Variants in MYLK observed in about 807,000 individuals in gnomAD.
MYLK encodes myosin light chain kinase, smooth muscle.
In MYLK, 106 loss-of-function variants were observed where a neutral mutation model predicts 203.4. The observed-to-expected ratio is 0.52, with a 90% CI of 0.45 to 0.61. The LOEUF (loss-of-function observed/expected upper bound fraction) is 0.61. Ranked by LOEUF, MYLK falls within the 20% of genes least tolerant of loss-of-function variation. MYLK has a pLI of 0.00. For missense variants in MYLK, 2,072 were observed against 2,442.3 expected (o/e 0.85, Z 3.20); for synonymous variants, 867 against 959.5 (o/e 0.90, Z 1.78).
At chr3:123,865,433 A>C (rs1165692232) in intron 2 of MYLK, among the ~76,000 whole-genome samples, 1 of 152,208 alleles carries the variant, frequency 6.6e-6, no homozygotes, top group Non-Finnish European at 1.5e-5. Context: ...AATAGACAGG[A>C]GTTTCAAGTC....
intron 28 of MYLK, 68 bp from the exon 29 acceptor site, chr3:123,638,262 C>T (rs1442309023): frequency 6.2e-7 from 1 of 1,608,406 alleles, no homozygotes; most frequent in African/African-American, 1.3e-5. Flanking sequence ...CAGCAGCTGC[C>T]CGAATCTGTG....
chr3:123,752,148 G>A (rs2063213588), intron 5 of MYLK, among the ~76,000 whole-genome samples, 183 bp downstream of exon 5: 1 of 152,110 alleles, frequency 6.6e-6, no homozygotes, highest in Non-Finnish European at 1.5e-5. Context: ...TCTCCTGGAT[G>A]CCTCCCTTGT....
chr3:123,754,583 T>C (rs1195874289), intron 4 of MYLK, among the ~76,000 whole-genome samples: 1 of 152,098 alleles, frequency 6.6e-6, no homozygotes, highest in African/African-American at 2.4e-5. Context: ...AGGCTGACAG[T>C]GTTGAAGGAG....
intron 11 of MYLK, among the ~76,000 whole-genome samples, chr3:123,727,243 AC>A (rs1336528989): frequency 6.6e-6 from 1 of 152,174 alleles, no homozygotes; most frequent in East Asian, 1.9e-4. Flanking sequence ...GTGATGGTGT[AC>A]CTGGACAGGC....
intron 33 of MYLK, among the ~76,000 whole-genome samples, chr3:123,616,093 G>T (rs751646340): frequency 5.2e-4 from 79 of 152,086 alleles, no homozygotes; most frequent in Admixed American, 1.4e-3. Flanking sequence ...AAAAATAATT[G>T]AATTGTGCAT....
intron 29 of MYLK, among the ~76,000 whole-genome samples, chr3:123,634,142 G>C (rs2058547518): frequency 6.6e-6 from 1 of 152,218 alleles, no homozygotes; most frequent in South Asian, 2.1e-4. Context: ...TGAGAGGGCT[G>C]AGTAGGTCCA....
chr3:123,863,483 C>G (rs890697503), intron 2 of MYLK, among the ~76,000 whole-genome samples: 8 of 151,250 alleles, frequency 5.3e-5, no homozygotes, highest in Non-Finnish European at 1.0e-4. Flanking sequence ...AACTGGTATT[C>G]AGAATAAAAA....
chr3:123,754,387 G>A (rs2063299113), intron 4 of MYLK, among the ~76,000 whole-genome samples: 1 of 152,166 alleles, frequency 6.6e-6, no homozygotes, highest in African/African-American at 2.4e-5. Flanking sequence ...AATCAATATG[G>A]TCCATCTTAT....
intron 28 of MYLK, among the ~76,000 whole-genome samples, chr3:123,639,473 G>A (rs750885207): frequency 3.9e-5 from 6 of 152,276 alleles, no homozygotes; most frequent in Non-Finnish European, 5.9e-5. Flanking sequence ...CCCAGCCCTC[G>A]GGCTCCTTGC....
At chr3:123,728,653 C>A (rs1207066555) in intron 11 of MYLK, among the ~76,000 whole-genome samples, 2 of 152,174 alleles carry the variant, frequency 1.3e-5, no homozygotes, top group African/African-American at 4.8e-5. Context: ...AAGCTATGTG[C>A]TTTTTCACTC....
chr3:123,713,579 ATGTGTGTGTGTGTG>A (rs3085274), intron 13 of MYLK, among the ~76,000 whole-genome samples: 87,592 of 136,398 alleles, frequency 0.64, 29,202 homozygotes, highest in Non-Finnish European at 0.78. Flanking sequence ...GAGCAACACA[ATGTGTGTGTGTGTG>A]TGTGTGTGTG....
intron 18 of MYLK, among the ~76,000 whole-genome samples, chr3:123,697,128 T>C (rs2060962156): frequency 6.6e-6 from 1 of 152,158 alleles, no homozygotes; most frequent in East Asian, 1.9e-4. Flanking sequence ...TCCACATCTA[T>C]TGAGAAAAGA....
At chr3:123,839,851 T>C (rs1331935796) in intron 2 of MYLK, among the ~76,000 whole-genome samples, 1 of 152,160 alleles carries the variant, frequency 6.6e-6, no homozygotes, top group African/African-American at 2.4e-5. Context: ...AGAAATATTC[T>C]CTGATCGTTA....
chr3:123,802,632 A>T (rs1433811940), intron 3 of MYLK, among the ~76,000 whole-genome samples: 3 of 152,230 alleles, frequency 2.0e-5, no homozygotes, highest in African/African-American at 7.2e-5. Flanking sequence ...AATCAAATCC[A>T]CACACCTAAC....
intron 11 of MYLK, among the ~76,000 whole-genome samples, chr3:123,728,070 G>C (rs1239058197): frequency 6.6e-6 from 1 of 152,248 alleles, no homozygotes; most frequent in Middle Eastern, 3.4e-3. Context: ...ATAGGATGTG[G>C]AATGGCAAAG....
Position 123,642,048 on chromosome 3 carries a change from GTCTC to G in MYLK, c.4620-1548_4620-1545del, listed in dbSNP as rs1381774400. ...TTTTTTAATGTTTTGTAGAGACAGG[GTCTC>G]TCTCTGTCACCCAGTCATAAGCTCA... On this transcript the variant is annotated intron_variant, in intron 27 of 33. Coordinates refer to ENST00000360304, the MANE Select transcript of MYLK (RefSeq NM_053025.4). This position sits in a 1 kb window ranked among gnomAD's most constrained non-coding sequence, Gnocchi z 4.2. Among the ~76,000 whole-genome samples, 1 of 151,956 alleles carries G rather than the reference GTCTC, an allele frequency of 6.6e-6. No homozygotes were observed. The highest frequency in any genetic ancestry group is 1.5e-5 in the Non-Finnish European group (1 of 68,010).
chr3:123,717,142 G>A (rs1317011467), intron 13 of MYLK, among the ~76,000 whole-genome samples: 2 of 152,202 alleles, frequency 1.3e-5, no homozygotes, highest in East Asian at 3.8e-4. Context: ...AGTTGTCAGT[G>A]TTTTTAAGCT....
At chr3:123,831,073 C>A (rs530160560) in intron 3 of MYLK, among the ~76,000 whole-genome samples, 1 of 152,244 alleles carries the variant, frequency 6.6e-6, no homozygotes, top group Admixed American at 6.5e-5. Context: ...CCAGGTAACA[C>A]AAAGTTCCAC....
Position 123,632,867 on chromosome 3 carries a change from C to T in MYLK, c.4962-3241G>A, listed in dbSNP as rs900090334. Among the ~76,000 whole-genome samples, 12 of 144,628 alleles carry T rather than the reference C, an allele frequency of 8.3e-5. 1 individual carries two copies. Among genetic ancestry groups the T allele is most frequent in the African/African-American group, 2.7e-4 (10 of 37,410 alleles). 94.9% of individuals were successfully genotyped at this position (144,628 alleles called of 152,430 possible). On this transcript the variant is annotated intron_variant, in intron 29 of 33. Coordinates refer to ENST00000360304, the MANE Select transcript of MYLK (RefSeq NM_053025.4). Reference sequence around the variant, plus strand: ...TTGCCCAGGTTGGAGTGCAGTAGTGCGATCTCAGCTCACTGAACCTCTGGC... The same window carrying T: ...TTGCCCAGGTTGGAGTGCAGTAGTGTGATCTCAGCTCACTGAACCTCTGGC...
Sources: gnomAD v4.1 joint callset for allele counts (sites outside exome capture counted in the v4.1 genomes callset) on GRCh38, gnomAD v4.1.1 for gene constraint, Gnocchi (gnomAD v3.1) non-coding constraint, MANE v1.5 for transcripts, NCBI Gene and HGNC (gene_info 2026-07-23, HGNC 2026-07-21) for gene names.